Variants in MAP4K5 observed in about 807,000 individuals in gnomAD.
MAP4K5 encodes the protein mitogen-activated protein kinase kinase kinase kinase 5.
In MAP4K5, 82 loss-of-function variants were observed where a neutral mutation model predicts 135.6. The ratio of observed to expected loss-of-function variants is 0.60; its 90% CI spans 0.51 to 0.73. The LOEUF (loss-of-function observed/expected upper bound fraction) is 0.73, where lower values mean the gene tolerates loss of function less well. Among genes scored for constraint, MAP4K5 ranks in the 30% least tolerant of loss-of-function variants. MAP4K5 has a pLI of 0.00. For missense variants in MAP4K5, 907 were observed against 1,010.9 expected (o/e 0.90, Z 1.39); for synonymous variants, 347 against 335.0 (o/e 1.04, Z -0.39).
At chr14:50,487,226 T>G (rs1332898658) in intron 3 of MAP4K5, among the ~76,000 whole-genome samples, 2 of 152,198 alleles carry the variant, frequency 1.3e-5, no homozygotes, top group African/African-American at 4.8e-5. Flanking sequence ...GAGAATCGCT[T>G]GAACCTGGGA....
chr14:50,464,028 C>A (rs764926117), intron 12 of MAP4K5, 24 bp downstream of exon 12: 7 of 1,366,250 alleles, frequency 5.1e-6, no homozygotes, highest in Non-Finnish European at 7.1e-6. Context: ...TATAGGAAGA[C>A]CCCTCGTAAT....
In MAP4K5 at chr14:50,468,691, C is replaced by G; in HGVS notation, c.634G>C (p.Gly212Arg). 1 of 1,613,292 alleles carries G rather than the reference C, an allele frequency of 6.2e-7. No individual in the cohort carries two copies. Among genetic ancestry groups the G allele is most frequent in the Non-Finnish European group, 8.5e-7 (1 of 1,179,550 alleles). ...TCAAACATAGGTGGCTGAAGTTCTCCAAGTTCAATTGCTGTTATTCCTACT... is the reference window on the plus strand; with the variant it reads ...TCAAACATAGGTGGCTGAAGTTCTCGAAGTTCAATTGCTGTTATTCCTACT... ...WAVGITAIELGELQPPMFDLH... is the reference protein window; with the variant it reads ...WAVGITAIELRELQPPMFDLH... The change falls in exon 10 of 33, where the codon GGA (glycine) becomes CGA (arginine). Residue 212 changes from glycine (G) to arginine (R), a missense_variant. By Grantham distance (125) the Gly-to-Arg change is moderately radical (BLOSUM62 -2). Transcript: ENST00000682126.
At chr14:50,511,044 G>C (rs1036968337) in intron 2 of MAP4K5, among the ~76,000 whole-genome samples, 9 of 152,150 alleles carry the variant, frequency 5.9e-5, no homozygotes, top group African/African-American at 2.2e-4. Context: ...CCCAAAACTG[G>C]AAGTAATCAA....
rs142037513 is a variant in MAP4K5 at position 50,439,055 on chromosome 14, A to G, written c.1705+958T>C. ...TTAACATATTAATATTTTACCAAAC[A>G]AAAGTAAAAAAGATTTTGGGGAAGC... On this transcript the variant is annotated intron_variant, in intron 23 of 32. Coordinates refer to ENST00000682126, the MANE Select transcript of MAP4K5 (RefSeq NM_006575.6). Among the ~76,000 whole-genome samples, 8 of 152,188 alleles carry G rather than the reference A, an allele frequency of 5.3e-5. No homozygotes were observed. The East Asian group carries it at 1.5e-3, about 29-fold the overall frequency.
intron 26 of MAP4K5, among the ~76,000 whole-genome samples, chr14:50,436,848 G>A (rs1050984768): frequency 6.6e-6 from 1 of 152,138 alleles, no homozygotes; most frequent in African/African-American, 2.4e-5. Context: ...TCTGCCCTAT[G>A]TACTTCTTCC....
intron 13 of MAP4K5, among the ~76,000 whole-genome samples, chr14:50,460,537 T>C (rs1225113142): frequency 6.6e-6 from 1 of 152,234 alleles, no homozygotes; most frequent in East Asian, 1.9e-4. Flanking sequence ...AGAATAACTT[T>C]ACTAAGTTTT....
intron 2 of MAP4K5, among the ~76,000 whole-genome samples, chr14:50,527,855 T>C (rs935128720): frequency 6.6e-6 from 1 of 150,520 alleles, no homozygotes; most frequent in Non-Finnish European, 1.5e-5. Flanking sequence ...TAAATAAAAA[T>C]AAAAATAAAA....
chr14:50,506,652 G>T (rs1268868388), intron 2 of MAP4K5, among the ~76,000 whole-genome samples: 2 of 152,116 alleles, frequency 1.3e-5, no homozygotes, highest in Non-Finnish European at 2.9e-5. Flanking sequence ...ACCAGGCCTG[G>T]CAAGAAAATA....
At position 50,495,396 on chromosome 14, in the gene MAP4K5, A is replaced by G. The variant is rs576480444; in HGVS notation, c.167-9202T>C. ...TCACTTCACATCCATTAGGATGGCT[A>G]CAATTAAAAAAAGCAGAAAATAAAA... is the stretch of plus-strand genomic sequence containing the variant. On this transcript the variant is annotated intron_variant, in intron 3 of 32. Coordinates refer to ENST00000682126, the MANE Select transcript of MAP4K5 (RefSeq NM_006575.6). Among the ~76,000 whole-genome samples the G allele has an allele frequency of 2.0e-5, 3 of 152,368 alleles. No individual in the cohort carries two copies. In the South Asian group the frequency reaches 6.2e-4, roughly 32 times the overall value.
chr14:50,496,775 G>A (rs916195840), intron 3 of MAP4K5, among the ~76,000 whole-genome samples: 2 of 151,548 alleles, frequency 1.3e-5, no homozygotes, highest in African/African-American at 2.4e-5. Flanking sequence ...CTCCCAAAGT[G>A]CTGAGACTAC....
At chr14:50,536,243 G>C (rs1051216860), upstream of MAP4K5, among the ~76,000 whole-genome samples, 6 of 152,192 alleles carry the variant, frequency 3.9e-5, no homozygotes, top group African/African-American at 1.4e-4. Flanking sequence ...TCGGGAGTTT[G>C]AGACCAGCCT....
chr14:50,447,995 C>CT (rs1566647438), intron 15 of MAP4K5, among the ~76,000 whole-genome samples: 1 of 148,472 alleles, frequency 6.7e-6, no homozygotes, highest in Non-Finnish European at 1.5e-5. Context: ...TGCTTCATTA[C>CT]TTTTTTCTTT....
chr14:50,536,436 C>CAA (rs34686813), upstream of MAP4K5, among the ~76,000 whole-genome samples: 5 of 107,228 alleles, frequency 4.7e-5, no homozygotes, highest in Non-Finnish European at 8.1e-5. Context: ...AACTCTGTCT[C>CAA]AAAAAAAAAA....
intron 3 of MAP4K5, among the ~76,000 whole-genome samples, chr14:50,495,470 G>A (rs1262612611): frequency 6.6e-6 from 1 of 152,164 alleles, no homozygotes; most frequent in African/African-American, 2.4e-5. Flanking sequence ...TACTGTTACT[G>A]ACATTGCAAA....
upstream of MAP4K5, among the ~76,000 whole-genome samples, chr14:50,537,411 G>A (rs532571103): frequency 2.6e-5 from 4 of 152,344 alleles, no homozygotes; most frequent in South Asian, 8.3e-4. Flanking sequence ...CTCTGCTAGG[G>A]TGGTGCGAAA....
intron 32 of MAP4K5, among the ~76,000 whole-genome samples, chr14:50,421,335 T>C (rs1427776996): frequency 2.6e-5 from 4 of 152,074 alleles, no homozygotes; most frequent in African/African-American, 9.7e-5. Context: ...CTCGGCACAC[T>C]GCAACCTCCG....
rs561976005 is a variant in MAP4K5, at chr14:50,495,436, T to C, written c.167-9242A>G. Among the ~76,000 whole-genome samples, 4 of 152,318 alleles carry C rather than the reference T, an allele frequency of 2.6e-5. No homozygotes were observed. In the East Asian group the frequency reaches 5.8e-4, roughly 22 times the overall value. ...AGAAAATAAAACTGGTTAGAGGTGA[T>C]GTGGAGAAGCTAGAACCCTTGTATA... On this transcript the variant is annotated intron_variant, in intron 3 of 32. Coordinates refer to ENST00000682126, the MANE Select transcript of MAP4K5 (RefSeq NM_006575.6).
intron 9 of MAP4K5, chr14:50,471,881 G>A (rs987524033): frequency 6.6e-6 from 1 of 152,168 alleles, no homozygotes; most frequent in African/African-American, 2.4e-5. Flanking sequence ...AGACATGAAA[G>A]AACACATAGA....
rs753251547 is a variant in MAP4K5, at chr14:50,423,158, C to T, written c.2416G>A (p.Asp806Asn). The change falls in exon 32 of 33, where the codon GAT (aspartate) becomes AAT (asparagine). Residue 806 changes from aspartate to asparagine, a missense_variant. By Grantham distance (23) the Asp-to-Asn change is conservative. Coordinates refer to ENST00000682126, the MANE Select transcript of MAP4K5 (RefSeq NM_006575.6). Reference sequence around the variant, plus strand: ...AATAAGCGGAAAACTCTTGTTTCATCTGAAATCTCCTGGGTAACCTAGGAA... The same window carrying T: ...AATAAGCGGAAAACTCTTGTTTCATTTGAAATCTCCTGGGTAACCTAGGAA... ...KSDEVTQEIS[D>N]ETRVFRLLGS... is the part of the protein sequence containing the mutation. 1 of 1,565,044 alleles carries T rather than the reference C, an allele frequency of 6.4e-7. No homozygotes were observed. Among genetic ancestry groups the T allele is most frequent in the Non-Finnish European group, 8.8e-7 (1 of 1,140,576 alleles).
Sources: allele counts gnomAD v4.1 joint callset (sites outside exome capture counted in the v4.1 genomes callset), GRCh38; gene constraint gnomAD v4.1.1; transcripts MANE v1.5; gene names NCBI Gene and HGNC (gene_info 2026-07-23, HGNC 2026-07-21).